The following WDR7 variants were observed in gnomAD, a reference collection of about 807,000 sequenced individuals.
WDR7 encodes the protein WD repeat domain 7.
In WDR7, 46 loss-of-function variants were observed where a neutral mutation model predicts 169.4. The ratio of observed to expected loss-of-function variants is 0.27; its 90% CI spans 0.21 to 0.35. The LOEUF (loss-of-function observed/expected upper bound fraction) is 0.35. Ranked by LOEUF, WDR7 falls within the 10% of genes least tolerant of loss-of-function variation. The pLI is 1.00. For missense variants in WDR7, 1,534 were observed against 1,859.3 expected, an observed-to-expected ratio of 0.83 and a Z score of 3.22; for synonymous variants, 612 against 666.8, an observed-to-expected ratio of 0.92 and a Z score of 1.27.
chr18:56,848,531 G>C (rs759323113), intron 20 of WDR7, among the ~76,000 whole-genome samples: 2 of 152,104 alleles, frequency 1.3e-5, no homozygotes, highest in Non-Finnish European at 2.9e-5. Context: ...GCCAGGGATG[G>C]AATGATATGA....
chr18:56,654,787 A>G (rs1197980049), intron 1 of WDR7, among the ~76,000 whole-genome samples: 4 of 152,186 alleles, frequency 2.6e-5, no homozygotes. Context: ...TGTACTGCTA[A>G]TTCATAGTTT....
At chr18:56,653,753 A>G (rs1001368301) in intron 1 of WDR7, among the ~76,000 whole-genome samples, 4 of 152,210 alleles carry the variant, frequency 2.6e-5, no homozygotes, top group African/African-American at 7.2e-5. Context: ...CAGAATGTAC[A>G]TCTACTACAG....
In WDR7 at chr18:56,757,005, G is replaced by A; in HGVS notation, c.2412G>A (p.Met804Ile). Residue 804 changes from methionine (M) to isoleucine (I), a missense_variant, in exon 15 of 28, where the codon ATG becomes ATA. Transcript: ENST00000254442. ...CTATGGACACTGCAAAGCTGTTTAT[G>A]TCCTGCCTTCACGCCTGGGGTTTGA... ...NLTMDTAKLF[M>I]SCLHAWGLNE... 6.2e-7 allele frequency: 1 copy of A among 1,614,160 alleles called. No individual in the cohort carries two copies. The highest frequency in any genetic ancestry group is 8.5e-7 in the Non-Finnish European group (1 of 1,180,034).
At chr18:56,883,110 T>C (rs1405185349) in intron 21 of WDR7, among the ~76,000 whole-genome samples, 1 of 148,878 alleles carries the variant, frequency 6.7e-6, no homozygotes, top group Non-Finnish European at 1.5e-5. Flanking sequence ...CTCGGGAGGC[T>C]GAGGCAGGAG....
At chr18:56,706,813 G>A (rs1267747848) in intron 12 of WDR7, among the ~76,000 whole-genome samples, 6 of 149,706 alleles carry the variant, frequency 4.0e-5, no homozygotes, top group Admixed American at 6.7e-5. Context: ...TCAGCCTCCC[G>A]AGTAGCTGGG....
chr18:56,734,923 C>T (rs1457367132), intron 14 of WDR7, among the ~76,000 whole-genome samples: 2 of 151,996 alleles, frequency 1.3e-5, no homozygotes, highest in Non-Finnish European at 2.9e-5. Context: ...ATGATAATTG[C>T]TCAAGCAATT....
intron 14 of WDR7, among the ~76,000 whole-genome samples, chr18:56,744,784 C>T (rs1599009959): frequency 6.6e-6 from 1 of 152,136 alleles, no homozygotes; most frequent in Admixed American, 6.5e-5. Flanking sequence ...CAGATGGTTC[C>T]CACCTACAGG....
intron 20 of WDR7, among the ~76,000 whole-genome samples, chr18:56,817,720 T>C (rs963864131): frequency 7.2e-5 from 11 of 152,220 alleles, no homozygotes; most frequent in African/African-American, 2.4e-4. Context: ...TTTTGGTAGC[T>C]GCTAAAGAAA....
intron 12 of WDR7, among the ~76,000 whole-genome samples, chr18:56,704,557 A>G (rs187271487): frequency 2.6e-4 from 40 of 152,268 alleles, no homozygotes; most frequent in African/African-American, 8.9e-4. Context: ...TATTATGTAT[A>G]CATTCAAATA....
chr18:56,814,884 T>C (rs182874824), intron 19 of WDR7, among the ~76,000 whole-genome samples: 1 of 152,296 alleles, frequency 6.6e-6, no homozygotes, highest in Admixed American at 6.5e-5. Flanking sequence ...TTATTATTAT[T>C]ATTATTTAAA....
intron 3 of WDR7, among the ~76,000 whole-genome samples, chr18:56,680,532 A>G (rs940261367): frequency 2.0e-5 from 3 of 152,240 alleles, no homozygotes; most frequent in Non-Finnish European, 2.9e-5. Flanking sequence ...ATTGTCTTAT[A>G]TAATACCATA....
intron 20 of WDR7, among the ~76,000 whole-genome samples, chr18:56,852,432 C>T (rs753842777): frequency 7.9e-5 from 12 of 152,098 alleles, no homozygotes; most frequent in East Asian, 1.9e-4. Flanking sequence ...AATTTTTGTC[C>T]TCTGTCTCGT....
intron 19 of WDR7, among the ~76,000 whole-genome samples, chr18:56,794,994 T>C (rs1380187904): frequency 6.6e-6 from 1 of 152,226 alleles, no homozygotes; most frequent in Non-Finnish European, 1.5e-5. Flanking sequence ...ATTTGTTAGC[T>C]AGAATACTTC....
chr18:56,782,770 A>T (rs2044338874), intron 19 of WDR7, among the ~76,000 whole-genome samples: 1 of 152,102 alleles, frequency 6.6e-6, no homozygotes, highest in Non-Finnish European at 1.5e-5. Flanking sequence ...TCTGGTTTAA[A>T]CTCTACCAGA....
At chr18:56,987,075 T>G (rs2047732243) in intron 26 of WDR7, among the ~76,000 whole-genome samples, 1 of 152,096 alleles carries the variant, frequency 6.6e-6, no homozygotes, top group Non-Finnish European at 1.5e-5. Context: ...GTGTCTGAGT[T>G]GCGGATCAAG....
At chr18:56,864,651 C>A (rs2045856505) in intron 20 of WDR7, among the ~76,000 whole-genome samples, 1 of 151,598 alleles carries the variant, frequency 6.6e-6, no homozygotes, top group Non-Finnish European at 1.5e-5. Context: ...ATAAATATAT[C>A]TTAATTTTGT....
chr18:56,900,479 G>A (rs1394163396), intron 21 of WDR7, among the ~76,000 whole-genome samples: 1 of 152,070 alleles, frequency 6.6e-6, no homozygotes, highest in African/African-American at 2.4e-5. Flanking sequence ...AGCAGAAAAT[G>A]ATTAACTACT....
At chr18:56,662,248 C>G (rs1056353820) in intron 1 of WDR7, among the ~76,000 whole-genome samples, 2 of 152,294 alleles carry the variant, frequency 1.3e-5, no homozygotes, top group Admixed American at 1.3e-4. Context: ...TGTGAAAACA[C>G]CCTGTTGCTA....
intron 21 of WDR7, among the ~76,000 whole-genome samples, chr18:56,902,327 G>A (rs1478416069): frequency 6.6e-6 from 1 of 152,144 alleles, no homozygotes; most frequent in Admixed American, 6.6e-5. Context: ...TGTCAATCAA[G>A]TTAATTTTGG....
Sources: gnomAD v4.1 joint callset for allele counts (sites outside exome capture counted in the v4.1 genomes callset) on GRCh38, gnomAD v4.1.1 for gene constraint, MANE v1.5 for transcripts, NCBI Gene and HGNC (gene_info 2026-07-23, HGNC 2026-07-21) for gene names.